FAT3: variants seen among roughly 807,000 people sequenced by gnomAD.
FAT3 encodes the protein protocadherin Fat 3.
FAT3 carries 95 observed loss-of-function variants against 310.2 expected under a neutral mutation model. The observed-to-expected ratio is 0.31, with a 90% CI of 0.26 to 0.36. The LOEUF (loss-of-function observed/expected upper bound fraction) is 0.36. Ranked by LOEUF, FAT3 falls within the 10% of genes least tolerant of loss-of-function variation. The pLI is 1.00. For missense variants in FAT3, 5,408 were observed against 5,715.6 expected (o/e 0.95, Z 1.74); for synonymous variants, 2,314 against 2,192.9 (o/e 1.06, Z -1.54).
intron 2 of FAT3, among the ~76,000 whole-genome samples, chr11:92,415,010 A>C (rs1950378201): frequency 6.8e-6 from 1 of 146,246 alleles, no homozygotes; most frequent in African/African-American, 2.5e-5. Flanking sequence ...ATTTCGTCAA[A>C]AAAAAAAAAA....
rs565593084 is a variant in FAT3, at chr11:92,684,092, C to T, written c.3608-13292C>T. 2.8e-4 allele frequency among the ~76,000 whole-genome samples: 43 copies of T among 152,236 alleles called. No homozygotes were observed. The East Asian group carries it at 7.3e-3, about 26-fold the overall frequency. ...TGGTTTAAAAATCCACTCTCAGGCT[C>T]AATGCACAGCCATTTGTTCAGAAGA... On this transcript the variant is annotated intron_variant, in intron 3 of 27. Transcript: ENST00000525166.
At chr11:92,823,323 T>G (rs927090766) in intron 13 of FAT3, among the ~76,000 whole-genome samples, 1 of 152,160 alleles carries the variant, frequency 6.6e-6, no homozygotes, top group Non-Finnish European at 1.5e-5. Context: ...CACTTAATCA[T>G]CCCAGGTGTA....
rs1347854261 is a variant in FAT3 at position 92,866,943 on chromosome 11, G to A, written c.11861G>A (p.Ser3954Asn). The change falls in exon 22 of 28, where the codon AGT becomes AAT. Residue 3954 changes from serine to asparagine, a missense_variant. Coordinates refer to ENST00000525166, the MANE Select transcript of FAT3 (RefSeq NM_001367949.2). The part of the protein sequence containing the change: ...PLYFQTLSTE[S>N]SIYFGALVQA... ...TACTTCCAGACGCTGAGCACTGAGA[G>A]TAGCATCTACTTCGGCGCCCTGGTG... The A allele has an allele frequency of 6.2e-7, 1 of 1,613,718 alleles. No homozygotes were observed. The highest frequency in any genetic ancestry group is 2.2e-5 in the East Asian group (1 of 44,866).
intron 2 of FAT3, among the ~76,000 whole-genome samples, chr11:92,469,601 G>T (rs947302499): frequency 6.6e-6 from 1 of 151,786 alleles, no homozygotes; most frequent in Non-Finnish European, 1.5e-5. Flanking sequence ...TGCAACCTCA[G>T]TCTCCTGGGT....
At chr11:92,867,440 G>A (rs146539107) in intron 22 of FAT3, among the ~76,000 whole-genome samples, 3,842 of 152,242 alleles carry the variant, frequency 0.025, 78 homozygotes, top group Non-Finnish European at 0.042. Flanking sequence ...CAGTGCAGTG[G>A]CACAGGGGCC....
At chr11:92,382,580 T>G (rs570523550) in intron 2 of FAT3, among the ~76,000 whole-genome samples, 1 of 152,312 alleles carries the variant, frequency 6.6e-6, no homozygotes, top group South Asian at 2.1e-4. Flanking sequence ...GTCACTTGGC[T>G]TTAATCCTTC....
At chr11:92,853,139 T>A (rs1462026690) in intron 19 of FAT3, among the ~76,000 whole-genome samples, 6 of 152,130 alleles carry the variant, frequency 3.9e-5, no homozygotes, top group African/African-American at 7.2e-5. Context: ...TAGTGAGGGG[T>A]GTGTGGGCCA....
At chr11:92,453,927 GT>G (rs1374847473) in intron 2 of FAT3, among the ~76,000 whole-genome samples, 3 of 151,754 alleles carry the variant, frequency 2.0e-5, no homozygotes, top group East Asian at 1.9e-4. Context: ...TCTTTTATTT[GT>G]TTTTTTGTTA....
At chr11:92,789,120 G>C (rs919413061) in intron 7 of FAT3, among the ~76,000 whole-genome samples, 2 of 152,092 alleles carry the variant, frequency 1.3e-5, no homozygotes, top group African/African-American at 4.8e-5. Flanking sequence ...CTCTGTTTAG[G>C]TGCAGCAATG....
intron 15 of FAT3, among the ~76,000 whole-genome samples, chr11:92,836,154 G>A (rs1948401858): frequency 6.6e-6 from 1 of 152,144 alleles, no homozygotes; most frequent in Admixed American, 6.5e-5. Context: ...GTGGGAAGGG[G>A]AACTTTCTTG....
Position 92,536,673 on chromosome 11 carries a change from C to A in FAT3, c.3607+11725C>A, listed in dbSNP as rs865818933. ...ATGATTAAGGCCTTAGACAGTTCGT[C>A]TTTTCAAATTATGAAGAACATTTTA... On this transcript the variant is annotated intron_variant, in intron 3 of 27. Coordinates refer to ENST00000525166, the MANE Select transcript of FAT3 (RefSeq NM_001367949.2). Among the ~76,000 whole-genome samples, 8 of 152,268 alleles carry A rather than the reference C, an allele frequency of 5.3e-5. 1 individual carries two copies. In the South Asian group the frequency reaches 1.7e-3, roughly 32 times the overall value.
intron 4 of FAT3, among the ~76,000 whole-genome samples, chr11:92,714,789 C>T (rs1365238648): frequency 2.0e-5 from 3 of 152,072 alleles, no homozygotes; most frequent in Non-Finnish European, 2.9e-5. Context: ...GTATCTTTAG[C>T]ACTAACACAG....
At chr11:92,472,878 C>T (rs1951944625) in intron 2 of FAT3, among the ~76,000 whole-genome samples, 1 of 152,210 alleles carries the variant, frequency 6.6e-6, no homozygotes, top group South Asian at 2.1e-4. Flanking sequence ...TAAGCCCCCT[C>T]TGCCCCCTTG....
At chr11:92,592,590 G>T (rs1406296078) in intron 3 of FAT3, among the ~76,000 whole-genome samples, 1 of 152,012 alleles carries the variant, frequency 6.6e-6, no homozygotes, top group Non-Finnish European at 1.5e-5. Flanking sequence ...AAAGTGCTGG[G>T]ATTACAGGCG....
chr11:92,371,764 T>C (rs1297849326), intron 2 of FAT3, among the ~76,000 whole-genome samples: 3 of 152,130 alleles, frequency 2.0e-5, no homozygotes, highest in Non-Finnish European at 2.9e-5. Flanking sequence ...AGAGCTCTCA[T>C]CACTTCATTC....
Position 92,866,728 on chromosome 11 carries a change from C to T in FAT3, c.11659-13C>T. 1 of 1,608,512 alleles carries T rather than the reference C, an allele frequency of 6.2e-7. No individual in the cohort carries two copies. Among genetic ancestry groups the T allele is most frequent in the Non-Finnish European group, 8.5e-7 (1 of 1,177,640 alleles). On this transcript the variant is annotated splice_polypyrimidine_tract_variant and intron_variant, in intron 21 of 27. Coordinates refer to ENST00000525166, the MANE Select transcript of FAT3 (RefSeq NM_001367949.2). ...CATGTTGAAAAGTGCTGCACTGTTC[C>T]TTCCCCACGCAGATTGTGGATGGCA...
chr11:92,346,606 G>A (rs1397573557), intron 1 of FAT3, among the ~76,000 whole-genome samples: 2 of 152,024 alleles, frequency 1.3e-5, no homozygotes, highest in Non-Finnish European at 2.9e-5. Context: ...AATTATGTCA[G>A]TTAATATTCA....
intron 2 of FAT3, among the ~76,000 whole-genome samples, chr11:92,371,387 C>T (rs1412467181): frequency 6.6e-6 from 1 of 152,196 alleles, no homozygotes; most frequent in Non-Finnish European, 1.5e-5. Context: ...GGACTTCAGA[C>T]ATTTTCAGGA....
chr11:92,828,017 A>G (rs2136248959), intron 13 of FAT3, among the ~76,000 whole-genome samples: 1 of 152,260 alleles, frequency 6.6e-6, no homozygotes, highest in East Asian at 1.9e-4. Context: ...TTACATAGTT[A>G]AAAACACAGA....
Sources: gnomAD v4.1 joint callset for allele counts (sites outside exome capture counted in the v4.1 genomes callset) on GRCh38, gnomAD v4.1.1 for gene constraint, MANE v1.5 for transcripts, NCBI Gene and HGNC (gene_info 2026-07-23, HGNC 2026-07-21) for gene names.